The following LTN1 variants were observed in gnomAD, a reference collection of about 807,000 sequenced individuals.
The protein encoded by LTN1 is listerin E3 ubiquitin protein ligase 1.
A neutral mutation model predicts 201.2 loss-of-function variants in LTN1; 88 were observed. The observed-to-expected ratio is 0.44, with a 90% CI of 0.37 to 0.52. LTN1 has a LOEUF of 0.52. Among genes scored for constraint, LTN1 ranks in the 20% least tolerant of loss-of-function variants. The pLI, the probability that LTN1 is intolerant of heterozygous loss-of-function variation, is 0.00. For synonymous variants in LTN1, 645 were observed against 713.5 expected (o/e 0.90, Z 1.53); for missense variants, 1,752 against 2,038.7 (o/e 0.86, Z 2.71).
intron 6 of LTN1, 116 bp from the exon 7 acceptor site, chr21:28,971,560 C>G: frequency 1.1e-6 from 1 of 871,958 alleles, no homozygotes; most frequent in Non-Finnish European, 1.7e-6. Context: ...ACTAAAATAG[C>G]TAGAAAAAAT....
In LTN1 at chr21:28,967,163, T is replaced by A; in HGVS notation, c.1328A>T (p.Asp443Val). The change falls in exon 10 of 30, where the codon GAT becomes GTT. Residue 443 changes from aspartate to valine, a missense_variant. Asp to Val is a radical substitution (Grantham distance 152). This residue lies in a region of LTN1 where 1,211 missense variants were observed against 1,312.8 expected (regional missense o/e 0.92). Transcript: ENST00000361371. Reference sequence around the variant, plus strand: ...CAATCCTGGGTCTTTGAGAACTGCATCAATAAAAGGGATCAACTGAAAGAA... The same window carrying A: ...CAATCCTGGGTCTTTGAGAACTGCAACAATAAAAGGGATCAACTGAAAGAA... ...LVNDQLIPFIDAVLKDPGLQH... is the reference protein window; with the variant it reads ...LVNDQLIPFIVAVLKDPGLQH... 6.2e-7 allele frequency: 1 copy of A among 1,608,002 alleles called. No individual in the cohort carries two copies.
Position 28,956,910 on chromosome 21 carries a change from C to CA in LTN1, c.2930dup (p.Leu977PhefsTer4). 6.2e-7 allele frequency: 1 copy of CA among 1,607,622 alleles called. No homozygotes were observed. The highest frequency in any genetic ancestry group is 8.5e-7 in the Non-Finnish European group (1 of 1,176,944). On this transcript the variant is annotated frameshift_variant, in exon 16 of 30. Coordinates refer to ENST00000361371, the MANE Select transcript of LTN1 (RefSeq NM_015565.3). LOFTEE classifies it high-confidence loss of function. Reference sequence around the variant, plus strand: ...AATCTGTTTTGAAACATTCATAATTCAAACTCAATCTTCCCTCTAAAAGAG... The same window carrying CA: ...AATCTGTTTTGAAACATTCATAATTCAAAACTCAATCTTCCCTCTAAAAGAG...
chr21:28,984,206 T>G (rs2084679648), intron 4 of LTN1, among the ~76,000 whole-genome samples: 1 of 152,120 alleles, frequency 6.6e-6, no homozygotes, highest in Admixed American at 6.6e-5. Context: ...TTTACTGAAA[T>G]AGCATTTGTT....
rs914572925 is a variant in LTN1 at position 28,986,979 on chromosome 21, T to C, written c.43-45A>G. ...GAAAAAAGTCAGAGTCCAGGAAGGG[T>C]TCAAAACTTAACTTTATAATTCCTT... On this transcript the variant is annotated intron_variant, in intron 1 of 29. Coordinates refer to ENST00000361371, the MANE Select transcript of LTN1 (RefSeq NM_015565.3). The surrounding 1 kb of genome is among the most constrained non-coding windows in gnomAD (Gnocchi z 4.1). 40 of 1,327,152 alleles carry C rather than the reference T, an allele frequency of 3.0e-5. No homozygotes were observed. The highest frequency in any genetic ancestry group is 6.9e-5 in the Admixed American group (4 of 58,196). The allele number at this position is 1,327,152 out of a possible 1,614,324, so 82.2% of individuals were successfully genotyped here. A position where few individuals can be genotyped will look rare whatever the true frequency, so the allele number is the denominator to read the frequency against.
Position 28,943,757 on chromosome 21 carries a change from T to C in LTN1, c.4130A>G (p.Glu1377Gly). 6.2e-7 allele frequency: 1 copy of C among 1,613,874 alleles called. No homozygotes were observed. Among genetic ancestry groups the C allele is most frequent in the Admixed American group, 1.7e-5 (1 of 60,004 alleles). ...TGTATTTAACAAAGTCTGGAGATAT[T>C]CTGGTAAGTTTGTTTTTTGGTCAGC... Reference protein sequence around the residue: ...LVADQKTNLPEYLQTLLNTLA... With the variant: ...LVADQKTNLPGYLQTLLNTLA... Residue 1377 changes from glutamate to glycine, a missense_variant, in exon 23 of 30, where the codon GAA (glutamate) becomes GGA (glycine). Coordinates refer to ENST00000361371, the MANE Select transcript of LTN1 (RefSeq NM_015565.3).
chr21:28,984,619 G>A, intron 4 of LTN1, 73 bp downstream of exon 4: 1 of 1,044,898 alleles, frequency 9.6e-7, no homozygotes, highest in Non-Finnish European at 1.4e-6. Context: ...CCAAGTAAAA[G>A]AGCTGTCATT....
At position 28,970,629 on chromosome 21, in the gene LTN1, G is replaced by C. The variant is rs756867981; in HGVS notation, c.1098C>G (p.Phe366Leu). 2 of 1,613,968 alleles carry C rather than the reference G, an allele frequency of 1.2e-6. No homozygotes were observed. Among genetic ancestry groups the C allele is most frequent in the East Asian group, 4.5e-5 (2 of 44,856 alleles). ...ATVIYPYLLP[F>L]ISKLPQSITN... ...TGATGGACTGAGGGAGCTTGCTGATGAATGGCAGAAGGTAAGGATATATGA... is the reference window on the plus strand; with the variant it reads ...TGATGGACTGAGGGAGCTTGCTGATCAATGGCAGAAGGTAAGGATATATGA... The change falls in exon 8 of 30, where the codon TTC becomes TTG. Residue 366 changes from phenylalanine (F) to leucine (L), a missense_variant. Around this residue, in one of 3 missense-constraint regions of LTN1, gnomAD observed 1,211 missense variants for 1,312.8 expected, o/e 0.92. Transcript: ENST00000361371.
chr21:28,952,671 A>T (rs566303896), intron 17 of LTN1, among the ~76,000 whole-genome samples: 34 of 152,346 alleles, frequency 2.2e-4, no homozygotes, highest in African/African-American at 7.7e-4. Context: ...GTAGAATGCG[A>T]TTGGAAAGGA....
rs759230811 is a variant in LTN1 at position 28,943,835 on chromosome 21, G to A, written c.4052C>T (p.Thr1351Met). Residue 1351 changes from threonine (T) to methionine (M), a missense_variant, in exon 23 of 30, where the codon ACG becomes ATG. Transcript: ENST00000361371. ...AMLKPMCETLTYISKEQLLSH... is the reference protein window; with the variant it reads ...AMLKPMCETLMYISKEQLLSH... ...CAATAGCTGTTCCTTTGAGATATAC[G>A]TTAATGTTTCACACATGGGTTTCAG... The A allele has an allele frequency of 6.2e-6, 10 of 1,613,714 alleles. No homozygotes were observed. The East Asian group carries it at 1.8e-4, about 29-fold the overall frequency.
intron 11 of LTN1, among the ~76,000 whole-genome samples, chr21:28,961,902 T>C (rs2084482263): frequency 6.6e-6 from 1 of 152,062 alleles, no homozygotes; most frequent in Admixed American, 6.6e-5. Context: ...TCCCAGCTAC[T>C]CGGGAGGCTG....
chr21:28,931,270 C>A lies in LTN1; in HGVS notation c.5123G>T (p.Arg1708Leu). 6.2e-7 allele frequency: 1 copy of A among 1,612,736 alleles called. No homozygotes were observed. The highest frequency in any genetic ancestry group is 8.5e-7 in the Non-Finnish European group (1 of 1,179,140). ...LALWKNNVDK[R>L]FEGVEDCMIC... ...CATGCAATCTTCAACACCCTCAAAA[C>A]GTTTGTCTACGTTATTTTTCCATAA... Residue 1708 changes from arginine (R) to leucine (L), a missense_variant, in exon 29 of 30, where the codon CGT becomes CTT. By Grantham distance (102) the Arg-to-Leu change is moderately radical (BLOSUM62 -2). Transcript: ENST00000361371.
chr21:28,975,721 A>C (rs1216626800), intron 6 of LTN1, among the ~76,000 whole-genome samples: 2 of 152,236 alleles, frequency 1.3e-5, no homozygotes, highest in Admixed American at 6.5e-5. Flanking sequence ...AACGGCTGAC[A>C]ATATGAAACA....
At chr21:28,964,710 G>A (rs1294970969) in intron 11 of LTN1, 1 of 1,550,468 alleles carries the variant, frequency 6.4e-7, no homozygotes, top group South Asian at 1.2e-5. Flanking sequence ...CACTGCTCAG[G>A]AAGAGGATTT....
In LTN1 at chr21:28,935,322, T is replaced by C. The variant is rs775136115; in HGVS notation, c.4662A>G (p.Thr1554=). The change falls in exon 27 of 30, where the codon ACA becomes ACG. Residue 1554 remains threonine (T), a synonymous_variant. Coordinates refer to ENST00000361371, the MANE Select transcript of LTN1 (RefSeq NM_015565.3). ...AGTGTGGAATGTGGTATGGAAGCAT[T>C]GTTGTTTCTGAGGAAAAAACAAATT... ...EELQLSIRET[T]MLPYHIPHLA... The C allele has an allele frequency of 1.9e-6, 3 of 1,610,398 alleles. No individual in the cohort carries two copies. The highest frequency in any genetic ancestry group is 2.5e-6 in the Non-Finnish European group (3 of 1,177,328).
chr21:28,966,712 T>C lies in LTN1; in HGVS notation c.1779A>G (p.Leu593=). The C allele has an allele frequency of 6.2e-7, 1 of 1,614,062 alleles. No homozygotes were observed. The highest frequency in any genetic ancestry group is 2.2e-5 in the East Asian group (1 of 44,872). Residue 593 remains leucine, a synonymous_variant, in exon 10 of 30, where the codon TTA becomes TTG. Transcript: ENST00000361371. The part of the protein sequence containing the change: ...SPLRKKPLED[L]VCKLADISIN... ...TACTTATATCTGCGAGTTTACAGAC[T>C]AAGTCTTCCAAAGGTTTTTTCCTTA...
Position 28,984,753 on chromosome 21 carries a change from G to A in LTN1, c.515C>T (p.Ala172Val), listed in dbSNP as rs370434080. The A allele has an allele frequency of 5.5e-5, 88 of 1,613,928 alleles. 1 individual carries two copies. In the East Asian group the frequency reaches 5.8e-4, roughly 11 times the overall value. The change falls in exon 4 of 30, where the codon GCG (alanine) becomes GTG (valine). Residue 172 changes from alanine (A) to valine (V), a missense_variant. Ala to Val is a moderately conservative substitution (Grantham distance 64). This residue lies in a region of LTN1 where 280 missense variants were observed against 375.7 expected (regional missense o/e 0.75). Coordinates refer to ENST00000361371, the MANE Select transcript of LTN1 (RefSeq NM_015565.3). ...AGGTTGCTTGCTTGGAGGAAAAGCCGCTTCAAATGCATCTTTTGCTGCAAA... is the reference window on the plus strand; with the variant it reads ...AGGTTGCTTGCTTGGAGGAAAAGCCACTTCAAATGCATCTTTTGCTGCAAA... ...AAFAAKDAFE[A>V]AFPPSKQPEA...
intron 27 of LTN1, among the ~76,000 whole-genome samples, chr21:28,934,629 A>AT (rs34961027): frequency 3.9e-4 from 59 of 151,986 alleles, no homozygotes; most frequent in African/African-American, 1.4e-3. Flanking sequence ...TAATTTTTAT[A>AT]TTTTTTTAGT....
In LTN1 at chr21:28,946,268, G is replaced by A. The variant is rs568114962; in HGVS notation, c.3507C>T (p.Ala1169=). ...CSTNGGFGHL[A]IFNSCLQTKS... ...TGGTTTGCAGACAAGAATTGAAAAT[G>A]GCAAGATGTCCAAAACCTCCTAAAG... The change falls in exon 20 of 30, where the codon GCC becomes GCT. Residue 1169 remains alanine (A), a synonymous_variant. Transcript: ENST00000361371. The A allele has an allele frequency of 3.9e-5, 61 of 1,572,514 alleles. No homozygotes were observed. The highest frequency in any genetic ancestry group is 1.7e-4 in the Middle Eastern group (1 of 5,912).
At chr21:28,965,192 G>A (rs973077704) in intron 11 of LTN1, among the ~76,000 whole-genome samples, 1 of 152,048 alleles carries the variant, frequency 6.6e-6, no homozygotes, top group Non-Finnish European at 1.5e-5. Context: ...GCAAATTCAA[G>A]AGTTAGCTAT....
Sources: allele counts gnomAD v4.1 joint callset (sites outside exome capture counted in the v4.1 genomes callset), GRCh38; gene constraint gnomAD v4.1.1; regional missense constraint gnomAD v4.1.1; non-coding constraint Gnocchi (gnomAD v3.1); transcripts MANE v1.5; gene names NCBI Gene and HGNC (gene_info 2026-07-23, HGNC 2026-07-21).